Variants in CNTNAP2 observed in about 807,000 individuals in gnomAD.
The protein encoded by CNTNAP2 is contactin associated protein 2.
In CNTNAP2, 98 loss-of-function variants were observed where a neutral mutation model predicts 155.2. That is an observed-to-expected ratio of 0.63 (90% CI 0.54 to 0.75). The LOEUF (loss-of-function observed/expected upper bound fraction) is 0.75. CNTNAP2 is among the 30% of genes least tolerant of loss of function. CNTNAP2 has a pLI of 0.00. For missense variants in CNTNAP2, 1,727 were observed against 1,688.1 expected (o/e 1.02, Z -0.40); for synonymous variants, 651 against 631.2 (o/e 1.03, Z -0.47).
At chr7:147,344,261 G>T (rs13238010) in intron 9 of CNTNAP2, among the ~76,000 whole-genome samples, 24,834 of 152,040 alleles carry the variant, frequency 0.16, 2,343 homozygotes, top group East Asian at 0.35. Context: ...TACCCACGCA[G>T]CTCTGTTATT....
At chr7:146,179,099 C>G (rs1437399429) in intron 1 of CNTNAP2, among the ~76,000 whole-genome samples, 2 of 152,186 alleles carry the variant, frequency 1.3e-5, no homozygotes, top group African/African-American at 4.8e-5. Flanking sequence ...GTCTGCTCCT[C>G]TGTGATCACC....
chr7:147,590,720 T>C (rs1800720359), intron 12 of CNTNAP2, among the ~76,000 whole-genome samples: 1 of 152,202 alleles, frequency 6.6e-6, no homozygotes, highest in Non-Finnish European at 1.5e-5. Context: ...AATGTATATA[T>C]TCTAAGCAAG....
intron 10 of CNTNAP2, among the ~76,000 whole-genome samples, chr7:147,481,924 A>G (rs1371893152): frequency 6.6e-6 from 1 of 152,194 alleles, no homozygotes; most frequent in African/African-American, 2.4e-5. Flanking sequence ...TTAGCGCAAG[A>G]GTCTGGATTT....
chr7:146,166,432 C>T (rs1346817499), intron 1 of CNTNAP2, among the ~76,000 whole-genome samples: 1 of 152,044 alleles, frequency 6.6e-6, no homozygotes, highest in African/African-American at 2.4e-5. Flanking sequence ...GCTAAGCATC[C>T]AATGGACTGT....
chr7:147,171,158 C>T (rs905316872), intron 8 of CNTNAP2, among the ~76,000 whole-genome samples: 2 of 152,154 alleles, frequency 1.3e-5, no homozygotes, highest in Admixed American at 6.5e-5. Context: ...TGGGCTGTCC[C>T]CCAGGCTCTT....
At chr7:146,873,770 G>T (rs149291934) in intron 3 of CNTNAP2, among the ~76,000 whole-genome samples, 161 of 152,186 alleles carry the variant, frequency 1.1e-3, no homozygotes, top group African/African-American at 3.4e-3. Context: ...TACAATTTGA[G>T]GGGGAAGTGT....
intron 3 of CNTNAP2, among the ~76,000 whole-genome samples, chr7:147,029,311 G>T (rs1798983475): frequency 4.0e-5 from 6 of 151,864 alleles, no homozygotes; most frequent in Admixed American, 3.9e-4. Context: ...ATGACTAAGG[G>T]AGATATTCAA....
intron 11 of CNTNAP2, among the ~76,000 whole-genome samples, chr7:147,523,476 C>T (rs570016871): frequency 6.6e-6 from 1 of 152,252 alleles, no homozygotes; most frequent in South Asian, 2.1e-4. Flanking sequence ...GCATGAATAC[C>T]AGGAGTTGGG....
At chr7:146,242,064 T>C (rs1425541584) in intron 1 of CNTNAP2, among the ~76,000 whole-genome samples, 2 of 152,190 alleles carry the variant, frequency 1.3e-5, no homozygotes, top group African/African-American at 4.8e-5. Flanking sequence ...TTCAATAATA[T>C]AATTTATCTC....
intron 20 of CNTNAP2, 38 bp downstream of exon 20, chr7:148,229,817 G>A (rs764705896): frequency 2.9e-5 from 47 of 1,610,526 alleles, no homozygotes; most frequent in Non-Finnish European, 3.6e-5. Context: ...ATATAATATC[G>A]CATTATAGTC....
intron 11 of CNTNAP2, among the ~76,000 whole-genome samples, chr7:147,535,614 C>A (rs1251006661): frequency 6.6e-6 from 1 of 152,074 alleles, no homozygotes; most frequent in Admixed American, 6.5e-5. Flanking sequence ...CTCCAAAGTT[C>A]TAATCTGATG....
intron 4 of CNTNAP2, among the ~76,000 whole-genome samples, chr7:147,058,458 C>T (rs1023616899): frequency 1.3e-5 from 2 of 152,054 alleles, no homozygotes; most frequent in East Asian, 1.9e-4. Flanking sequence ...ATTGTTTTCA[C>T]GCACTCTATT....
chr7:146,869,045 A>G (rs1012986899), intron 3 of CNTNAP2, among the ~76,000 whole-genome samples: 2 of 152,094 alleles, frequency 1.3e-5, no homozygotes, highest in African/African-American at 4.8e-5. Flanking sequence ...AGGACTTCCA[A>G]TCCTATGTGG....
At chr7:148,363,715 T>C (rs1246315394) in intron 21 of CNTNAP2, among the ~76,000 whole-genome samples, 2 of 152,210 alleles carry the variant, frequency 1.3e-5, no homozygotes, top group African/African-American at 2.4e-5. Flanking sequence ...CTCACTTTGG[T>C]GGCATTTGAG....
At chr7:148,062,011 TAGAGAG>T (rs374161359) in intron 15 of CNTNAP2, among the ~76,000 whole-genome samples, 2 of 84,212 alleles carry the variant, frequency 2.4e-5, no homozygotes, top group South Asian at 8.5e-4. Context: ...AGATAGATGA[TAGAGAG>T]AGAGAGAGAG....
At chr7:147,862,636 C>CAT (rs760429456) in intron 13 of CNTNAP2, among the ~76,000 whole-genome samples, 8 of 127,298 alleles carry the variant, frequency 6.3e-5, no homozygotes, top group Non-Finnish European at 1.4e-4. Flanking sequence ...TATATATATA[C>CAT]ATATATACAC....
chr7:147,186,078 A>G (rs995105258), intron 8 of CNTNAP2, among the ~76,000 whole-genome samples: 2 of 152,194 alleles, frequency 1.3e-5, no homozygotes, highest in African/African-American at 4.8e-5. Flanking sequence ...ACAGACTAAC[A>G]TGTGCATATG....
intron 15 of CNTNAP2, among the ~76,000 whole-genome samples, chr7:147,989,590 A>G (rs568029854): frequency 5.0e-4 from 76 of 152,250 alleles, no homozygotes; most frequent in African/African-American, 1.7e-3. Context: ...CCTTGACTTC[A>G]TGCCTTTTCT....
At chr7:147,866,282 G>A (rs984739117) in intron 13 of CNTNAP2, among the ~76,000 whole-genome samples, 1 of 75,314 alleles carries the variant, frequency 1.3e-5, no homozygotes, top group African/African-American at 5.9e-5. Flanking sequence ...ACTGTGGTCT[G>A]AGAGACTGTT....
Sources: gnomAD v4.1 joint callset for allele counts (sites outside exome capture counted in the v4.1 genomes callset) on GRCh38, gnomAD v4.1.1 for gene constraint, MANE v1.5 for transcripts, NCBI Gene and HGNC (gene_info 2026-07-23, HGNC 2026-07-21) for gene names.